Variants in FHAD1 observed in about 807,000 individuals in gnomAD.
FHAD1 encodes forkhead-associated domain-containing protein 1.
Under a neutral mutation model 191.3 loss-of-function variants are expected in FHAD1, and 146 were observed. That is an observed-to-expected ratio of 0.76 (90% CI 0.67 to 0.88). The LOEUF is 0.88. Among genes scored for constraint, FHAD1 ranks in the 40% least tolerant of loss-of-function variants. The probability of loss-of-function intolerance (pLI) is 0.00; values close to 1 mark genes in which losing one functional copy is unlikely to be tolerated. For missense variants in FHAD1, 1,635 were observed against 1,785.8 expected, an observed-to-expected ratio of 0.92 and a Z score of 1.52; for synonymous variants, 616 against 672.3, an observed-to-expected ratio of 0.92 and a Z score of 1.29.
At position 15,296,872 on chromosome 1, in the gene FHAD1, T is replaced by C. The variant is rs1667160709; in HGVS notation, c.678+79T>C. 3 of 1,197,996 alleles carry C rather than the reference T, an allele frequency of 2.5e-6. No homozygotes were observed. In the African/African-American group the frequency reaches 4.5e-5, roughly 18 times the overall value. 74.2% of individuals were successfully genotyped at this position (1,197,996 alleles called of 1,614,324 possible). On this transcript the variant is annotated intron_variant, in intron 5 of 33. Transcript: ENST00000688493. The stretch of plus-strand genomic sequence containing the variant: ...GGGACTTGCCGATGCCTGTTCTGTG[T>C]GGCCCAGGAGTGCCCTTATCCTGCT...
chr1:15,277,569 C>T (rs560625267), intron 3 of FHAD1, among the ~76,000 whole-genome samples: 49 of 152,248 alleles, frequency 3.2e-4, no homozygotes, highest in African/African-American at 9.1e-4. Context: ...TCCTGAGTCC[C>T]GGTCTGGGAG....
chr1:15,352,769 C>T, intron 19 of FHAD1, 108 bp from the exon 20 acceptor site: 3 of 780,666 alleles, frequency 3.8e-6, no homozygotes, highest in Non-Finnish European at 6.4e-6. Context: ...AGATCTTTCT[C>T]TCCAACCCTG....
intron 24 of FHAD1, 62 bp from the exon 25 acceptor site, chr1:15,367,401 C>A: frequency 6.6e-7 from 1 of 1,515,558 alleles, no homozygotes. Context: ...GAGGCTGAGG[C>A]AGGAGAATCA....
chr1:15,279,463 GC>G (rs34676838), intron 3 of FHAD1, among the ~76,000 whole-genome samples: 108,762 of 149,374 alleles, frequency 0.73, 39,766 homozygotes, highest in East Asian at 0.95. Flanking sequence ...CGGCTTTGGA[GC>G]CCCCCCTCCC....
intron 3 of FHAD1, among the ~76,000 whole-genome samples, chr1:15,288,186 A>G (rs755546570): frequency 3.3e-5 from 5 of 152,194 alleles, no homozygotes; most frequent in Non-Finnish European, 7.3e-5. Flanking sequence ...CACTTCTAAC[A>G]GGAATAAGGA....
chr1:15,388,803 T>G (rs866930814), intron 32 of FHAD1, among the ~76,000 whole-genome samples: 1 of 152,160 alleles, frequency 6.6e-6, no homozygotes, highest in African/African-American at 2.4e-5. Context: ...CTTGCTGGAC[T>G]TTCCCCCTAG....
At position 15,308,074 on chromosome 1, in the gene FHAD1, C is replaced by T. The variant is rs71631715; in HGVS notation, c.916-539C>T. ...AGTCTCGGGTATGTCTTTATCACAG[C>T]GTGAAAACAGACTAATACGGGAGCA... On this transcript the variant is annotated intron_variant, in intron 6 of 33. Coordinates refer to ENST00000688493, the MANE Select transcript of FHAD1 (RefSeq NM_001391957.1). 5.6e-3 allele frequency among the ~76,000 whole-genome samples: 850 copies of T among 152,262 alleles called. 3 individuals carry two copies. The highest frequency in any genetic ancestry group is 8.4e-3 in the Non-Finnish European group (568 of 68,022).
At position 15,289,809 on chromosome 1, in the gene FHAD1, TAAG is replaced by T. The variant is rs1663903892; in HGVS notation, c.568+146_568+148del. ...AAATAAATTCAGGATAAGCAGAAAG[TAAG>T]AAAACAGTTAAAAAATCAGCCGTAA... is the stretch of plus-strand genomic sequence containing the variant. On this transcript the variant is annotated intron_variant, in intron 4 of 33. Transcript: ENST00000688493. The surrounding 1 kb of genome is among the most constrained non-coding windows in gnomAD (Gnocchi z 4.2). 1 of 1,342,156 alleles carries T rather than the reference TAAG, an allele frequency of 7.5e-7. No individual in the cohort carries two copies. Among genetic ancestry groups the T allele is most frequent in the African/African-American group, 1.5e-5 (1 of 67,800 alleles). 83.1% of individuals were successfully genotyped at this position (1,342,156 alleles called of 1,614,324 possible). A position where few individuals can be genotyped will look rare whatever the true frequency, so the allele number is the denominator to read the frequency against.
chr1:15,277,197 C>T (rs1034987629), intron 3 of FHAD1, among the ~76,000 whole-genome samples: 1 of 152,192 alleles, frequency 6.6e-6, no homozygotes, highest in African/African-American at 2.4e-5. Flanking sequence ...CACATGACTT[C>T]TGGATGCAGT....
intron 11 of FHAD1, chr1:15,324,841 G>C: frequency 2.1e-6 from 1 of 470,154 alleles, no homozygotes; most frequent in Non-Finnish European, 3.9e-6. Context: ...CCAGTTAACC[G>C]AGCTCCTTGC....
chr1:15,304,117 T>G (rs934212650), intron 6 of FHAD1, among the ~76,000 whole-genome samples: 2 of 152,228 alleles, frequency 1.3e-5, no homozygotes, highest in African/African-American at 4.8e-5. Flanking sequence ...CTCCTGGGTC[T>G]CCTGAAAGTG....
intron 7 of FHAD1, among the ~76,000 whole-genome samples, chr1:15,309,730 GC>G (rs201463213): frequency 0.013 from 1,901 of 151,926 alleles, 42 homozygotes; most frequent in African/African-American, 0.043. Context: ...TTTATGCGTG[GC>G]CCAAGACCCT....
intron 7 of FHAD1, among the ~76,000 whole-genome samples, chr1:15,309,144 A>G (rs1043223981): frequency 2.6e-5 from 4 of 152,186 alleles, no homozygotes; most frequent in Middle Eastern, 3.2e-3. Context: ...CCTCTTACCC[A>G]TCTCACACTG....
At chr1:15,361,597 T>G (rs1245692864) in intron 22 of FHAD1, among the ~76,000 whole-genome samples, 2 of 151,910 alleles carry the variant, frequency 1.3e-5, no homozygotes, top group African/African-American at 4.8e-5. Context: ...TTTGTCCCCG[T>G]AGTAACAAAA....
Position 15,253,436 on chromosome 1 carries a change from A to G in FHAD1, c.93+1559A>G, listed in dbSNP as rs12567213. Among the ~76,000 whole-genome samples, 221 of 152,278 alleles carry G rather than the reference A, an allele frequency of 1.5e-3. 3 individuals carry two copies. In the East Asian group the frequency reaches 0.027, roughly 18 times the overall value. ...TATATATTTACTATGTGGTTTTTCA[A>G]TCCATGAAAATGGTATGTTTCTGCG... On this transcript the variant is annotated intron_variant, in intron 2 of 33. Coordinates refer to ENST00000688493, the MANE Select transcript of FHAD1 (RefSeq NM_001391957.1).
Position 15,318,440 on chromosome 1 carries a change from C to A in FHAD1, c.1365+512C>A, listed in dbSNP as rs1675203422. Among the ~76,000 whole-genome samples the A allele has an allele frequency of 6.6e-6, 1 of 152,124 alleles. No individual in the cohort carries two copies. The highest frequency in any genetic ancestry group is 2.1e-4 in the South Asian group (1 of 4,822). On this transcript the variant is annotated intron_variant, in intron 10 of 33. Transcript: ENST00000688493. The surrounding 1 kb of genome is among the most constrained non-coding windows in gnomAD (Gnocchi z 4.1). ...CCTGAGGTCAGGAGTTCGAGACCAG[C>A]CTGGCCAATGTGGTGAAACCCCGTC...
intron 1 of FHAD1, among the ~76,000 whole-genome samples, chr1:15,250,129 A>C (rs537566949): frequency 4.6e-5 from 7 of 152,224 alleles, no homozygotes; most frequent in Admixed American, 2.6e-4. Context: ...GTTTTTACCC[A>C]TAGTCCAATA....
chr1:15,341,221 A>T (rs1686539405), intron 15 of FHAD1, among the ~76,000 whole-genome samples: 1 of 152,122 alleles, frequency 6.6e-6, no homozygotes, highest in Admixed American at 6.5e-5. Flanking sequence ...CCTTATTTAC[A>T]AAAGTATGCA....
rs548323775 is a variant in FHAD1 at position 15,327,154 on chromosome 1, G to A, written c.1557+12G>A. ...TCACCGACCAACAGGTTAGTCTGCC[G>A]TCCCTGCCACGTGGCTCCTTCACTT... On this transcript the variant is annotated intron_variant, in intron 12 of 33. Transcript: ENST00000688493. The surrounding 1 kb of genome is among the most constrained non-coding windows in gnomAD (Gnocchi z 5.1). The A allele has an allele frequency of 4.2e-5, 65 of 1,540,728 alleles. No individual in the cohort carries two copies. The highest frequency in any genetic ancestry group is 4.6e-5 in the Non-Finnish European group (52 of 1,137,636).
Sources: allele counts gnomAD v4.1 joint callset (sites outside exome capture counted in the v4.1 genomes callset), GRCh38; gene constraint gnomAD v4.1.1; non-coding constraint Gnocchi (gnomAD v3.1); transcripts MANE v1.5; gene names NCBI Gene and HGNC (gene_info 2026-07-23, HGNC 2026-07-21).